The following FTO variants were observed in gnomAD, a reference collection of about 807,000 sequenced individuals.
The protein encoded by FTO is alpha-ketoglutarate-dependent dioxygenase FTO.
In FTO, 47 loss-of-function variants were observed where a neutral mutation model predicts 63.9. That is an observed-to-expected ratio of 0.74 (90% CI 0.58 to 0.94). FTO has a LOEUF of 0.94. FTO is among the 40% of genes least tolerant of loss of function. The probability of loss-of-function intolerance (pLI) is 0.00; values close to 1 mark genes in which losing one functional copy is unlikely to be tolerated. For synonymous variants in FTO, 207 were observed against 224.4 expected, an observed-to-expected ratio of 0.92 and a Z score of 0.69; for missense variants, 562 against 618.1, an observed-to-expected ratio of 0.91 and a Z score of 0.96.
chr16:53,991,104 A>G (rs1319649046), intron 8 of FTO: 1 of 152,174 alleles, frequency 6.6e-6, no homozygotes, highest in East Asian at 1.9e-4. Flanking sequence ...TCATGGCAAC[A>G]TAAGTTGTAT....
At chr16:54,075,124 G>T (rs1184192195) in intron 8 of FTO, among the ~76,000 whole-genome samples, 1 of 152,090 alleles carries the variant, frequency 6.6e-6, no homozygotes, top group Non-Finnish European at 1.5e-5. Context: ...TTGGGGGAAT[G>T]CTTGGCTTTT....
At chr16:53,704,338 G>C (rs1232120984) in intron 1 of FTO, 109 bp downstream of exon 1, 1 of 1,060,420 alleles carries the variant, frequency 9.4e-7, no homozygotes, top group Non-Finnish European at 1.4e-6. Flanking sequence ...TAAACTAAGG[G>C]ATGACAGGGC....
At chr16:53,748,962 C>T (rs1243168756) in intron 1 of FTO, among the ~76,000 whole-genome samples, 3 of 151,592 alleles carry the variant, frequency 2.0e-5, no homozygotes, top group African/African-American at 7.3e-5. Context: ...GACGAGGTTT[C>T]ACCATGTGGG....
rs1008085911 is a variant in FTO, at chr16:54,120,431, A to C, written c.*8516A>C. ...TGTCCTCAAAATCCTATTCTTAATC[A>C]GCATTTCTAATTTCTGCCCTTTGCT... On this transcript the variant is annotated 3_prime_UTR_variant, in exon 9 of 9. Coordinates refer to ENST00000471389, the MANE Select transcript of FTO (RefSeq NM_001080432.3). 3 of 152,354 alleles carry C rather than the reference A, an allele frequency of 2.0e-5. No individual in the cohort carries two copies. In the East Asian group the frequency reaches 5.8e-4, roughly 29 times the overall value. 9.4% of individuals were successfully genotyped at this position (152,354 alleles called of 1,614,324 possible).
intron 8 of FTO, among the ~76,000 whole-genome samples, chr16:54,058,414 C>T (rs1102175): frequency 0.21 from 32,385 of 152,112 alleles, 6,421 homozygotes; most frequent in African/African-American, 0.52. Flanking sequence ...TGAGCCACCA[C>T]GCCTGGCCGG....
intron 8 of FTO, among the ~76,000 whole-genome samples, chr16:53,939,596 T>C (rs944101383): frequency 2.6e-5 from 4 of 152,186 alleles, no homozygotes; most frequent in African/African-American, 9.7e-5. Context: ...AAACCCGGCA[T>C]CTGTTAACAG....
chr16:53,901,534 G>A (rs778699109), intron 7 of FTO, among the ~76,000 whole-genome samples: 1 of 152,150 alleles, frequency 6.6e-6, no homozygotes, highest in Non-Finnish European at 1.5e-5. Flanking sequence ...TTCCACTGCT[G>A]AAATAGAGTG....
intron 8 of FTO, among the ~76,000 whole-genome samples, chr16:54,095,717 A>G (rs708249): frequency 0.066 from 10,000 of 152,152 alleles, 1,113 homozygotes; most frequent in African/African-American, 0.23. Context: ...GTAAGGGGAT[A>G]TTATAGCCCT....
chr16:53,853,972 T>A lies in FTO; in HGVS notation c.895+9674T>A, dbSNP rs188377744. 1.8e-4 allele frequency among the ~76,000 whole-genome samples: 27 copies of A among 152,282 alleles called. No homozygotes were observed. In the East Asian group the frequency reaches 4.8e-3, roughly 27 times the overall value. On this transcript the variant is annotated intron_variant, in intron 4 of 8. Coordinates refer to ENST00000471389, the MANE Select transcript of FTO (RefSeq NM_001080432.3). ...AAGCACTCCCTTTTCACTACATTTC[T>A]AGCAACATCTATTATTTTTTGACTT...
intron 1 of FTO, among the ~76,000 whole-genome samples, chr16:53,738,478 G>A (rs1021711844): frequency 3.3e-5 from 5 of 152,072 alleles, no homozygotes; most frequent in African/African-American, 7.2e-5. Context: ...CACATCCCAC[G>A]TTATCTCATT....
At chr16:54,017,171 G>C (rs944221096) in intron 8 of FTO, among the ~76,000 whole-genome samples, 1 of 152,138 alleles carries the variant, frequency 6.6e-6, no homozygotes, top group Non-Finnish European at 1.5e-5. Flanking sequence ...AATTATAGTA[G>C]TAATAATCCA....
chr16:53,823,430 C>G (rs1198787264), intron 2 of FTO, among the ~76,000 whole-genome samples: 1 of 151,978 alleles, frequency 6.6e-6, no homozygotes, highest in African/African-American at 2.4e-5. Context: ...GTGCTGATCA[C>G]TCCCACATTG....
At chr16:53,724,912 A>G (rs2076120839) in intron 1 of FTO, among the ~76,000 whole-genome samples, 1 of 152,216 alleles carries the variant, frequency 6.6e-6, no homozygotes, top group African/African-American at 2.4e-5. Flanking sequence ...TAATAATTTT[A>G]GCATTGAACT....
intron 7 of FTO, among the ~76,000 whole-genome samples, chr16:53,927,837 G>A (rs920303661): frequency 6.6e-6 from 1 of 152,166 alleles, no homozygotes; most frequent in Non-Finnish European, 1.5e-5. Context: ...AAAAAGATAT[G>A]CCTCTGGCTT....
intron 1 of FTO, among the ~76,000 whole-genome samples, chr16:53,711,938 T>C (rs2075785203): frequency 6.6e-6 from 1 of 152,202 alleles, no homozygotes; most frequent in Admixed American, 6.5e-5. Flanking sequence ...ATAAAAATAA[T>C]AACTTGGCCA....
In FTO at chr16:53,987,292, A is replaced by C. The variant is rs543263700; in HGVS notation, c.1364+53183A>C. On this transcript the variant is annotated intron_variant, in intron 8 of 8. Coordinates refer to ENST00000471389, the MANE Select transcript of FTO (RefSeq NM_001080432.3). Reference sequence around the variant, plus strand: ...TTATCTGGATACGGTGTTTAAAATGACAATACAGCCAGGCGCGGTGGCTCA... The same window carrying C: ...TTATCTGGATACGGTGTTTAAAATGCCAATACAGCCAGGCGCGGTGGCTCA... Among the ~76,000 whole-genome samples the C allele has an allele frequency of 1.1e-4, 16 of 152,248 alleles. No individual in the cohort carries two copies. The South Asian group carries it at 3.3e-3, about 32-fold the overall frequency.
At chr16:53,907,599 A>G (rs1043053682) in intron 7 of FTO, among the ~76,000 whole-genome samples, 5 of 152,170 alleles carry the variant, frequency 3.3e-5, no homozygotes, top group Middle Eastern at 3.2e-3. Flanking sequence ...TCAAACTGTC[A>G]TAAGTCAGGG....
chr16:53,986,376 G>A (rs1445970010), intron 8 of FTO, among the ~76,000 whole-genome samples: 1 of 152,104 alleles, frequency 6.6e-6, no homozygotes, highest in South Asian at 2.1e-4. Flanking sequence ...CGGAAACAGG[G>A]TGTTTCTCTG....
intron 7 of FTO, chr16:53,911,361 A>T: frequency 1.4e-6 from 1 of 703,102 alleles, no homozygotes; most frequent in Admixed American, 2.0e-5. Flanking sequence ...TGAGAAGAGG[A>T]CCAGGAGTAG....
Sources: gnomAD v4.1 joint callset for allele counts (sites outside exome capture counted in the v4.1 genomes callset) on GRCh38, gnomAD v4.1.1 for gene constraint, MANE v1.5 for transcripts, NCBI Gene and HGNC (gene_info 2026-07-23, HGNC 2026-07-21) for gene names.